The following DEFB108B variants were observed in gnomAD, a reference collection of about 807,000 sequenced individuals.
The protein encoded by DEFB108B is beta-defensin 108B.
A neutral mutation model predicts 2.4 loss-of-function variants in DEFB108B; 3 were observed. The observed-to-expected ratio is 1.25, with a 90% CI of 0.57 to 3.24. DEFB108B has a LOEUF of 3.24. Among genes scored for constraint, DEFB108B ranks in the 30% most tolerant of loss-of-function variants. DEFB108B has a pLI of 0.03. For missense variants in DEFB108B, 101 were observed against 87.8 expected (o/e 1.15, Z -0.60); for synonymous variants, 25 against 28.7 (o/e 0.87, Z 0.41).
Position 71,837,428 on chromosome 11 carries a change from C to A in DEFB108B, c.88C>A (p.Arg30Ser), listed in dbSNP as rs151229532. 2 of 1,611,938 alleles carry A rather than the reference C, an allele frequency of 1.2e-6. No homozygotes were observed. Among genetic ancestry groups the A allele is most frequent in the Non-Finnish European group, 1.7e-6 (2 of 1,179,798 alleles). ...GGGCAAATTCAAGGAGATCTGTGAA[C>A]GTCCAAATGGCTCCTGTCGGGACTT... Reference protein sequence around the residue: ...ARGKFKEICERPNGSCRDFCL... With the variant: ...ARGKFKEICESPNGSCRDFCL... Residue 30 changes from arginine to serine, a missense_variant, in exon 2 of 2, where the codon CGT becomes AGT. Physicochemically the swap from Arg to Ser is moderately radical, Grantham distance 110. Transcript: ENST00000328698.
chr11:71,833,657 T>C (rs1952195140), intron 1 of DEFB108B, among the ~76,000 whole-genome samples: 1 of 152,378 alleles, frequency 6.6e-6, no homozygotes. Flanking sequence ...ACAGAAGGGA[T>C]TGGTGGAAGA....
chr11:71,835,044 G>T (rs567827861), intron 1 of DEFB108B, among the ~76,000 whole-genome samples: 4 of 152,192 alleles, frequency 2.6e-5, no homozygotes, highest in African/African-American at 9.6e-5. Context: ...AATGAACAAT[G>T]GTACATCATA....
At chr11:71,836,516 C>T (rs1952219739) in intron 1 of DEFB108B, among the ~76,000 whole-genome samples, 2 of 152,154 alleles carry the variant, frequency 1.3e-5, no homozygotes, top group Admixed American at 1.3e-4. Flanking sequence ...AAAAGGTGCT[C>T]TGTGTTACAT....
intron 1 of DEFB108B, among the ~76,000 whole-genome samples, chr11:71,834,344 C>A (rs1243108528): frequency 6.6e-6 from 1 of 152,148 alleles, no homozygotes; most frequent in Admixed American, 6.5e-5. Context: ...TAAATAGTCA[C>A]CCTGGCTAAA....
At position 71,834,533 on chromosome 11, in the gene DEFB108B, A is replaced by ACTT. The variant is rs1952202633; in HGVS notation, c.58+1277_58+1278insTTC. On this transcript the variant is annotated intron_variant, in intron 1 of 1. Coordinates refer to ENST00000328698, the MANE Select transcript of DEFB108B (RefSeq NM_001002035.2). ...AAATAGAAGCAACTAATTGGATAGA[A>ACTT]CAGCACAGGCAGAAGCATTACTCAC... Among the ~76,000 whole-genome samples, 5 of 152,348 alleles carry ACTT rather than the reference A, an allele frequency of 3.3e-5. No individual in the cohort carries two copies. The South Asian group carries it at 1.0e-3, about 32-fold the overall frequency.
intron 1 of DEFB108B, among the ~76,000 whole-genome samples, chr11:71,836,832 C>T (rs1188364057): frequency 6.6e-6 from 1 of 152,152 alleles, no homozygotes; most frequent in Admixed American, 6.5e-5. Flanking sequence ...TTGTTCCCTT[C>T]CACAGGAAAA....
At chr11:71,834,310 C>T (rs1952200854) in intron 1 of DEFB108B, among the ~76,000 whole-genome samples, 1 of 152,152 alleles carries the variant, frequency 6.6e-6, no homozygotes, top group South Asian at 2.1e-4. Context: ...ATCCTTGTGG[C>T]ATTACTGAAT....
chr11:71,834,633 TG>T (rs1307548715), intron 1 of DEFB108B: 2 of 152,178 alleles, frequency 1.3e-5, no homozygotes, highest in Non-Finnish European at 2.9e-5. Context: ...TAATGAAAGG[TG>T]GCACCTCCTC....
In DEFB108B at chr11:71,835,203, T is replaced by C. The variant is rs147094215; in HGVS notation, c.58+1946T>C. Among the ~76,000 whole-genome samples the C allele has an allele frequency of 6.3e-3, 965 of 152,304 alleles. 14 individuals are homozygous for C. The highest frequency in any genetic ancestry group is 0.021 in the African/African-American group (892 of 41,550). On this transcript the variant is annotated intron_variant, in intron 1 of 1. Transcript: ENST00000328698. ...GAATAACTCTGTCACGCAGGTAGGGTGTACCTAAAGGGTAGCTTTTCAGAC... is the reference window on the plus strand; with the variant it reads ...GAATAACTCTGTCACGCAGGTAGGGCGTACCTAAAGGGTAGCTTTTCAGAC...
At position 71,837,159 on chromosome 11, in the gene DEFB108B, C is replaced by T. The variant is rs568347681; in HGVS notation, c.59-240C>T. On this transcript the variant is annotated intron_variant, in intron 1 of 1. Coordinates refer to ENST00000328698, the MANE Select transcript of DEFB108B (RefSeq NM_001002035.2). Reference sequence around the variant, plus strand: ...TAAAGGGGAGCGGGCTACTCACCTCCAGCCTTTTGTCATGTAGGTGCACCC... The same window carrying T: ...TAAAGGGGAGCGGGCTACTCACCTCTAGCCTTTTGTCATGTAGGTGCACCC... The T allele has an allele frequency of 1.7e-4, 92 of 526,166 alleles. 1 individual carries two copies. The South Asian group carries it at 2.1e-3, about 12-fold the overall frequency. The allele number at this position is 526,166 out of a possible 1,614,324, so 32.6% of individuals were successfully genotyped here.
Position 71,837,400 on chromosome 11 carries a change from C to T in DEFB108B, c.60C>T (p.Ala20=), listed in dbSNP as rs764047296. 5.0e-6 allele frequency: 8 copies of T among 1,611,690 alleles called. No homozygotes were observed. Among genetic ancestry groups the T allele is most frequent in the Non-Finnish European group, 6.8e-6 (8 of 1,179,676 alleles). The change falls in exon 2 of 2, where the codon GCC becomes GCT. Residue 20 remains alanine, a splice_region_variant and synonymous_variant. Transcript: ENST00000328698. ...IFFFMSQVLP[A]RGKFKEICER... ...ACAATAACCCTCTTCTTCATGTAGC[C>T]AGGGGCAAATTCAAGGAGATCTGTG... is the stretch of plus-strand genomic sequence containing the variant.
Position 71,837,569 on chromosome 11 carries a change from T to C in DEFB108B, c.*7T>C, listed in dbSNP as rs1192024082. The C allele has an allele frequency of 1.2e-5, 20 of 1,608,642 alleles. No homozygotes were observed. The highest frequency in any genetic ancestry group is 1.7e-5 in the Non-Finnish European group (20 of 1,178,102). ...TACACCCAAAAAGGACTGAAGCCTG[T>C]TGTTTTCTGGAGGTTTTATGTTCTC... On this transcript the variant is annotated 3_prime_UTR_variant, in exon 2 of 2. Transcript: ENST00000328698.
At chr11:71,837,325 C>T in intron 1 of DEFB108B, 74 bp from the exon 2 acceptor site, 1 of 1,558,578 alleles carries the variant, frequency 6.4e-7, no homozygotes, top group Non-Finnish European at 8.8e-7. Context: ...AGCACTGCCC[C>T]CTACATCCAT....
At chr11:71,837,088 GATA>G in intron 1 of DEFB108B, 1 of 292,854 alleles carries the variant, frequency 3.4e-6, no homozygotes, top group South Asian at 4.5e-5. Flanking sequence ...AGTGTTAGAA[GATA>G]ATAAGGAAGA....
At chr11:71,837,138 G>T (rs564543770) in intron 1 of DEFB108B, 3 of 461,948 alleles carry the variant, frequency 6.5e-6, no homozygotes, top group Non-Finnish European at 1.2e-5. Context: ...AACTTGTAAA[G>T]GGGAGCGGGC....
At chr11:71,833,702 T>C (rs1044584189) in intron 1 of DEFB108B, among the ~76,000 whole-genome samples, 1 of 152,148 alleles carries the variant, frequency 6.6e-6, no homozygotes, top group Non-Finnish European at 1.5e-5. Context: ...ATCTAAGAAA[T>C]CTTTAACCTA....
Position 71,837,401 on chromosome 11 carries a change from A to G in DEFB108B, c.61A>G (p.Arg21Gly). The part of the protein sequence containing the change: ...FFFMSQVLPA[R>G]GKFKEICERP... ...CAATAACCCTCTTCTTCATGTAGCCAGGGGCAAATTCAAGGAGATCTGTGA... is the reference window on the plus strand; with the variant it reads ...CAATAACCCTCTTCTTCATGTAGCCGGGGGCAAATTCAAGGAGATCTGTGA... The change falls in exon 2 of 2, where the codon AGG becomes GGG. Residue 21 changes from arginine (R) to glycine (G), a missense_variant and splice_region_variant. Physicochemically the swap from Arg to Gly is moderately radical, Grantham distance 125. Coordinates refer to ENST00000328698, the MANE Select transcript of DEFB108B (RefSeq NM_001002035.2). The G allele has an allele frequency of 6.2e-7, 1 of 1,611,778 alleles. No individual in the cohort carries two copies. Among genetic ancestry groups the G allele is most frequent in the Non-Finnish European group, 8.5e-7 (1 of 1,179,676 alleles).
At chr11:71,835,662 A>G (rs1198541131) in intron 1 of DEFB108B, among the ~76,000 whole-genome samples, 1 of 152,200 alleles carries the variant, frequency 6.6e-6, no homozygotes, top group Non-Finnish European at 1.5e-5. Context: ...AGTGGTTTGA[A>G]AATATAATGC....
Position 71,833,378 on chromosome 11 carries a change from C to T in DEFB108B, c.58+121C>T, listed in dbSNP as rs1952193012. The T allele has an allele frequency of 4.7e-6, 7 of 1,476,132 alleles. No individual in the cohort carries two copies. In the South Asian group the frequency reaches 6.7e-5, roughly 14 times the overall value. 91.4% of individuals were successfully genotyped at this position (1,476,132 alleles called of 1,614,324 possible). ...GGTCTCATAGGAAATCTGGAAGACT[C>T]ATTGGCTGAGAGGCCTGCAGCCATC... On this transcript the variant is annotated intron_variant, in intron 1 of 1. Transcript: ENST00000328698.
Sources: gnomAD v4.1 joint callset for allele counts (sites outside exome capture counted in the v4.1 genomes callset) on GRCh38, gnomAD v4.1.1 for gene constraint, MANE v1.5 for transcripts, NCBI Gene and HGNC (gene_info 2026-07-23, HGNC 2026-07-21) for gene names.